Variants in CELF2 observed in about 807,000 individuals in gnomAD.
CELF2 encodes CUG triplet repeat RNA-binding protein 2.
In CELF2, 8 loss-of-function variants were observed where a neutral mutation model predicts 62.6. That is an observed-to-expected ratio of 0.13 (90% confidence interval 0.07 to 0.23). CELF2 has a LOEUF of 0.23. Among genes scored for constraint, CELF2 ranks in the 10% least tolerant of loss-of-function variants. CELF2 has a pLI of 1.00. For synonymous variants in CELF2, 258 were observed against 250.0 expected, an observed-to-expected ratio of 1.03 and a Z score of -0.30; for missense variants, 333 against 671.0, an observed-to-expected ratio of 0.50 and a Z score of 5.56.
At chr10:10,473,572 G>T in the CELF2 span, among the ~76,000 whole-genome samples, 3 of 152,014 alleles carry the variant, frequency 2.0e-5, no homozygotes, top group African/African-American at 7.2e-5. Context: ...ATTTAAGAAT[G>T]TAAAATTAAA....
At chr10:11,194,865 T>C (rs2057012301) in intron 2 of CELF2, among the ~76,000 whole-genome samples, 2 of 152,236 alleles carry the variant, frequency 1.3e-5, no homozygotes, top group South Asian at 2.1e-4. Context: ...TATTTTATAG[T>C]ACCATCTGGG....
the CELF2 span, among the ~76,000 whole-genome samples, chr10:10,634,204 A>C: frequency 6.6e-6 from 1 of 152,054 alleles, no homozygotes; most frequent in South Asian, 2.1e-4. Context: ...TACATTTTTT[A>C]TTTCTTTAAG....
intron 2 of CELF2, among the ~76,000 whole-genome samples, chr10:10,955,476 C>A (rs2048790081): frequency 6.6e-6 from 1 of 152,128 alleles, no homozygotes; most frequent in African/African-American, 2.4e-5. Context: ...TTGAGTGAGC[C>A]CGAAACACAG....
chr10:11,144,092 T>C (rs528649990), intron 1 of CELF2, among the ~76,000 whole-genome samples: 3 of 152,162 alleles, frequency 2.0e-5, no homozygotes, highest in East Asian at 1.9e-4. Context: ...TTGGTTAATA[T>C]GGACATTATC....
the CELF2 span, among the ~76,000 whole-genome samples, chr10:10,564,656 ACACACACACACACACACG>A: frequency 9.7e-6 from 1 of 102,572 alleles, no homozygotes; most frequent in East Asian, 3.6e-4. Context: ...ACACACACAC[ACACACACACACACACACG>A]CACACACGCA....
At chr10:10,775,624 A>AT in the CELF2 span, among the ~76,000 whole-genome samples, 7 of 144,244 alleles carry the variant, frequency 4.9e-5, no homozygotes, top group African/African-American at 1.3e-4. Flanking sequence ...AAAAAAAAAA[A>AT]AATATATATA....
chr10:10,667,640 G>A, the CELF2 span, among the ~76,000 whole-genome samples: 2 of 152,118 alleles, frequency 1.3e-5, no homozygotes, highest in African/African-American at 2.4e-5. Context: ...TCTTGGAAAC[G>A]TTCTCCCGTG....
At chr10:11,072,147 T>A (rs1044313742) in intron 1 of CELF2, among the ~76,000 whole-genome samples, 3 of 152,138 alleles carry the variant, frequency 2.0e-5, no homozygotes, top group African/African-American at 7.2e-5. Flanking sequence ...GCAACATTCT[T>A]TTGTCGTTTT....
chr10:10,594,182 G>A, the CELF2 span, among the ~76,000 whole-genome samples: 1 of 152,326 alleles, frequency 6.6e-6, no homozygotes, highest in African/African-American at 2.4e-5. Flanking sequence ...CAGGAAAACT[G>A]ATTGTACGTG....
At chr10:10,660,593 C>A in the CELF2 span, among the ~76,000 whole-genome samples, 1 of 152,192 alleles carries the variant, frequency 6.6e-6, no homozygotes, top group Non-Finnish European at 1.5e-5. Context: ...GTAATGGCTA[C>A]AATCAATTCC....
intron 2 of CELF2, among the ~76,000 whole-genome samples, chr10:10,979,594 C>G (rs977044723): frequency 6.8e-6 from 1 of 147,444 alleles, no homozygotes; most frequent in Admixed American, 6.9e-5. Context: ...TAGTTTGAGC[C>G]TGGGAGGTGG....
chr10:11,100,697 A>G (rs2051337820), intron 1 of CELF2, among the ~76,000 whole-genome samples: 1 of 152,176 alleles, frequency 6.6e-6, no homozygotes, highest in African/African-American at 2.4e-5. Flanking sequence ...CCTATCCACA[A>G]AGAGTTCCCG....
At chr10:11,199,892 G>C (rs943760714) in intron 2 of CELF2, among the ~76,000 whole-genome samples, 1 of 152,150 alleles carries the variant, frequency 6.6e-6, no homozygotes, top group Non-Finnish European at 1.5e-5. Flanking sequence ...GTCCTAATTG[G>C]ATGGCCTGAA....
At chr10:10,669,120 G>A in the CELF2 span, among the ~76,000 whole-genome samples, 1 of 152,194 alleles carries the variant, frequency 6.6e-6, no homozygotes, top group Middle Eastern at 3.2e-3. Context: ...GCTCAGTAGT[G>A]GTTTGGTGGC....
chr10:10,760,804 G>A, the CELF2 span, among the ~76,000 whole-genome samples: 1 of 152,212 alleles, frequency 6.6e-6, no homozygotes, highest in Admixed American at 6.5e-5. Flanking sequence ...AGAGCTCTAT[G>A]AGTGGGAGGA....
chr10:11,110,462 G>A lies in CELF2; in HGVS notation c.75-55024G>A, dbSNP rs975717534. On this transcript the variant is annotated intron_variant, in intron 1 of 12. Coordinates refer to ENST00000633077, the MANE Select transcript of CELF2 (RefSeq NM_001326342.2). This position sits in a 1 kb window ranked among gnomAD's most constrained non-coding sequence, Gnocchi z 4.0. ...TTTCCCATCTCCTACTACCTAAGTCGGGACAAAGCTTCTGCTTATTTTTCT... is the reference window on the plus strand; with the variant it reads ...TTTCCCATCTCCTACTACCTAAGTCAGGACAAAGCTTCTGCTTATTTTTCT... Among the ~76,000 whole-genome samples the A allele has an allele frequency of 1.8e-4, 28 of 152,118 alleles. No homozygotes were observed. The highest frequency in any genetic ancestry group is 6.5e-4 in the African/African-American group (27 of 41,420).
chr10:11,120,628 T>G (rs1347141656), intron 1 of CELF2, among the ~76,000 whole-genome samples: 1 of 152,134 alleles, frequency 6.6e-6, no homozygotes, highest in East Asian at 1.9e-4. Flanking sequence ...CCAAGGAGAA[T>G]CTAGGACAAC....
chr10:11,278,336 G>T (rs950494446), intron 8 of CELF2, among the ~76,000 whole-genome samples: 3 of 152,186 alleles, frequency 2.0e-5, no homozygotes, highest in Non-Finnish European at 4.4e-5. Flanking sequence ...TAAATTGACG[G>T]CTTTTATATC....
At chr10:10,848,066 A>C in intron 1 of CELF2, among the ~76,000 whole-genome samples, 1 of 152,270 alleles carries the variant, frequency 6.6e-6, no homozygotes, top group East Asian at 1.9e-4. Flanking sequence ...TAAGTCCATC[A>C]GATAACTGGA....
Sources: gnomAD v4.1 joint callset for allele counts (sites outside exome capture counted in the v4.1 genomes callset) on GRCh38, gnomAD v4.1.1 for gene constraint, Gnocchi (gnomAD v3.1) non-coding constraint, MANE v1.5 for transcripts, NCBI Gene and HGNC (gene_info 2026-07-23, HGNC 2026-07-21) for gene names.